The following TASOR2 variants were observed in gnomAD, a reference collection of about 807,000 sequenced individuals.
TASOR2 encodes the protein transcription activation suppressor family member 2.
A neutral mutation model predicts 199.5 loss-of-function variants in TASOR2; 84 were observed. That is an observed-to-expected ratio of 0.42 (90% CI 0.35 to 0.50). The LOEUF is 0.50. Ranked by LOEUF, TASOR2 falls within the 20% of genes least tolerant of loss-of-function variation. TASOR2 has a pLI of 0.02. For synonymous variants in TASOR2, 1,103 were observed against 1,046.6 expected (o/e 1.05, Z -1.04); for missense variants, 2,796 against 2,835.9 (o/e 0.99, Z 0.32).
rs1554784518 is a variant in TASOR2, at chr10:5,762,526, T to TTTTTAAA, written c.7175-6_7175-5insTTTTAAA. On this transcript the variant is annotated splice_region_variant and splice_polypyrimidine_tract_variant and intron_variant, in intron 19 of 20. Coordinates refer to ENST00000328090, the Ensembl canonical transcript of TASOR2. Reference sequence around the variant, plus strand: ...ACCAAAAGTTGTTTTTTTTTTTTTTTAACAGACAAGCCTACTATCCCCAGA... The same window carrying TTTTTAAA: ...ACCAAAAGTTGTTTTTTTTTTTTTTTTTTTAAAAACAGACAAGCCTACTATCCCCAGA... 5.7e-6 allele frequency: 4 copies of TTTTTAAA among 699,556 alleles called. No individual in the cohort carries two copies. The highest frequency in any genetic ancestry group is 3.2e-5 in the Admixed American group (1 of 31,618). 43.3% of individuals were successfully genotyped at this position (699,556 alleles called of 1,614,324 possible).
At position 5,720,924 on chromosome 10, in the gene TASOR2, G is replaced by GAT; in HGVS notation, c.104_105dup (p.Ala36Ter). 6.2e-7 allele frequency: 1 copy of GAT among 1,613,474 alleles called. No individual in the cohort carries two copies. Among genetic ancestry groups the GAT allele is most frequent in the Non-Finnish European group, 8.5e-7 (1 of 1,179,742 alleles). On this transcript the variant is annotated frameshift_variant, in exon 6 of 21. Coordinates refer to ENST00000328090, the Ensembl canonical transcript of TASOR2. LOFTEE classifies it high-confidence loss of function. This position sits in a 1 kb window ranked among gnomAD's most constrained non-coding sequence, Gnocchi z 5.3. ...AATTGTTCAAGACCGTATGCTATGT[G>GAT]ATATAGCTCTTTGGTCCACTTACGG...
chr10:5,736,215 TC>T (rs1835556806), intron 12 of TASOR2, among the ~76,000 whole-genome samples: 2 of 151,934 alleles, frequency 1.3e-5, no homozygotes, highest in Admixed American at 6.6e-5. Flanking sequence ...GGTCAGGAGT[TC>T]CAGACCAGCC....
At chr10:5,760,268 C>T (rs1839607066) in intron 18 of TASOR2, among the ~76,000 whole-genome samples, 1 of 152,130 alleles carries the variant, frequency 6.6e-6, no homozygotes, top group Non-Finnish European at 1.5e-5. Flanking sequence ...TATGGGACCA[C>T]CATTGTATAT....
At position 5,689,279 on chromosome 10, in the gene TASOR2, T is replaced by C. The variant is rs1218861719; in HGVS notation, c.-288+4104T>C. 2.0e-5 allele frequency among the ~76,000 whole-genome samples: 3 copies of C among 152,226 alleles called. No homozygotes were observed. The highest frequency in any genetic ancestry group is 7.2e-5 in the African/African-American group (3 of 41,458). ...TGGGTTCTTTTGTTGTTTGTTTTGA[T>C]CTTTAGCTTTTTGCTGCTTTGCTGT... is the stretch of plus-strand genomic sequence containing the variant. On this transcript the variant is annotated intron_variant, in intron 1 of 20. Coordinates refer to ENST00000328090, the Ensembl canonical transcript of TASOR2. The surrounding 1 kb of genome is among the most constrained non-coding windows in gnomAD (Gnocchi z 4.1).
intron 19 of TASOR2, chr10:5,761,745 A>G (rs1564378385): frequency 7.6e-6 from 2 of 263,382 alleles, no homozygotes; most frequent in East Asian, 7.2e-5. Context: ...TTTTAAATCA[A>G]TACTGGGGCT....
intron 14 of TASOR2, among the ~76,000 whole-genome samples, chr10:5,745,546 G>T (rs983792187): frequency 6.6e-6 from 1 of 152,142 alleles, no homozygotes; most frequent in South Asian, 2.1e-4. Context: ...TTGGGAGGCC[G>T]AGGTGGGTGG....
At position 5,699,415 on chromosome 10, in the gene TASOR2, T is replaced by C. The variant is rs1837536839; in HGVS notation, c.-287-13408T>C. 6.6e-6 allele frequency: 1 copy of C among 152,172 alleles called. No homozygotes were observed. Among genetic ancestry groups the C allele is most frequent in the Non-Finnish European group, 1.5e-5 (1 of 68,010 alleles). 9.4% of individuals were successfully genotyped at this position (152,172 alleles called of 1,614,324 possible). A position where few individuals can be genotyped will look rare whatever the true frequency, so the allele number is the denominator to read the frequency against. On this transcript the variant is annotated intron_variant, in intron 1 of 20. Coordinates refer to ENST00000328090, the Ensembl canonical transcript of TASOR2. This position sits in a 1 kb window ranked among gnomAD's most constrained non-coding sequence, Gnocchi z 4.1. Reference sequence around the variant, plus strand: ...TTGATTGTGGTGAAGGTTGCACAATTCTGTGGATATACTAAGCACAATTCT... The same window carrying C: ...TTGATTGTGGTGAAGGTTGCACAATCCTGTGGATATACTAAGCACAATTCT...
At chr10:5,717,541 ATCC>A in intron 2 of TASOR2, 115 bp from the exon 4 acceptor site, 2 of 405,266 alleles carry the variant, frequency 4.9e-6, no homozygotes, top group East Asian at 3.6e-5. Flanking sequence ...CCTTGTTGGA[ATCC>A]TCCTCTCCTG....
intron 19 of TASOR2, among the ~76,000 whole-genome samples, chr10:5,762,108 T>A (rs984058432): frequency 6.6e-6 from 1 of 152,096 alleles, no homozygotes; most frequent in Admixed American, 6.6e-5. Context: ...AGACCTCATC[T>A]CTACAGAAGT....
chr10:5,740,296 A>G lies in TASOR2; in HGVS notation c.2126A>G (p.Lys709Arg). ...CAGCCCGGCCTTTTGCTTCAGCAAAAGCCTCCTGACGACCCCGTGGTGAAG... is the reference window on the plus strand; with the variant it reads ...CAGCCCGGCCTTTTGCTTCAGCAAAGGCCTCCTGACGACCCCGTGGTGAAG... The change falls in exon 13 of 21, where the codon AAG becomes AGG. Residue 709 changes from lysine to arginine, a missense_variant. Physicochemically the swap from Lys to Arg is conservative, Grantham distance 26. This residue lies in a region of TASOR2 where 847 missense variants were observed against 887.4 expected (regional missense o/e 0.95). Transcript: ENST00000328090. The surrounding 1 kb of genome is among the most constrained non-coding windows in gnomAD (Gnocchi z 5.3). 2 of 1,614,212 alleles carry G rather than the reference A, an allele frequency of 1.2e-6. No individual in the cohort carries two copies. Among genetic ancestry groups the G allele is most frequent in the Non-Finnish European group, 1.7e-6 (2 of 1,180,038 alleles).
exon 12 of TASOR2, chr10:5,735,467 G>A (rs755944126): frequency 1.2e-6 from 2 of 1,614,120 alleles, no homozygotes; most frequent in Non-Finnish European, 1.7e-6. Flanking sequence ...AGCCACCTGT[G>A]AAGAAATCTC....
intron 14 of TASOR2, among the ~76,000 whole-genome samples, chr10:5,744,862 A>G (rs934639603): frequency 6.6e-5 from 10 of 152,184 alleles, no homozygotes; most frequent in Middle Eastern, 6.8e-3. Context: ...CTTCTGGCCT[A>G]TAGTGATCCG....
chr10:5,704,945 G>A (rs1838384805), intron 1 of TASOR2, among the ~76,000 whole-genome samples: 1 of 152,126 alleles, frequency 6.6e-6, no homozygotes, highest in South Asian at 2.1e-4. Context: ...AATTTCCTTT[G>A]TGGCCAAATT....
In TASOR2 at chr10:5,737,281, A is replaced by T. The variant is rs1040805489; in HGVS notation, c.1447+1735A>T. On this transcript the variant is annotated intron_variant, in intron 12 of 20. Coordinates refer to ENST00000328090, the Ensembl canonical transcript of TASOR2. The surrounding 1 kb of genome is among the most constrained non-coding windows in gnomAD (Gnocchi z 4.9). ...ACGCCCAGCCAGGTTTGTTTTTTTT[A>T]GTTTTTTTGTTTTTTTTTTCAACTT... Among the ~76,000 whole-genome samples, 1 of 149,506 alleles carries T rather than the reference A, an allele frequency of 6.7e-6. No individual in the cohort carries two copies. Among genetic ancestry groups the T allele is most frequent in the Non-Finnish European group, 1.5e-5 (1 of 67,252 alleles).
At chr10:5,726,769 A>G in intron 8 of TASOR2, 116 bp from the exon 10 acceptor site, 1 of 833,542 alleles carries the variant, frequency 1.2e-6, no homozygotes, top group African/African-American at 1.7e-5. Flanking sequence ...GATTCCCATA[A>G]CATTTGCAGA....
Position 5,727,143 on chromosome 10 carries a change from C to T in TASOR2, c.487+20C>T. 1 of 1,613,488 alleles carries T rather than the reference C, an allele frequency of 6.2e-7. No homozygotes were observed. The highest frequency in any genetic ancestry group is 1.1e-5 in the South Asian group (1 of 91,046). On this transcript the variant is annotated intron_variant, in intron 10 of 20. Transcript: ENST00000328090. ...CAACAGGTGAGGATACAATGGTTTCCAGCTCACTCTGTCTGTTGGATATAT... is the reference window on the plus strand; with the variant it reads ...CAACAGGTGAGGATACAATGGTTTCTAGCTCACTCTGTCTGTTGGATATAT...
In TASOR2 at chr10:5,748,577, C is replaced by G. The variant is rs777028310; in HGVS notation, c.5156C>G (p.Thr1719Ser). The change falls in exon 15 of 21, where the codon ACC (threonine) becomes AGC (serine). Residue 1719 changes from threonine (T) to serine (S), a missense_variant. Physicochemically the swap from Thr to Ser is moderately conservative, Grantham distance 58 (BLOSUM62 1). Coordinates refer to ENST00000328090, the Ensembl canonical transcript of TASOR2. This position sits in a 1 kb window ranked among gnomAD's most constrained non-coding sequence, Gnocchi z 5.1. ...GGCACTGCTGGCCCTCAGTCCAACA[C>G]CACATCTTCTCTAAAAGGTGAACGC... The G allele has an allele frequency of 3.7e-6, 6 of 1,613,636 alleles. No individual in the cohort carries two copies. In the South Asian group the frequency reaches 6.6e-5, roughly 18 times the overall value.
At chr10:5,753,462 A>G (rs1838359651) in intron 15 of TASOR2, among the ~76,000 whole-genome samples, 1 of 152,050 alleles carries the variant, frequency 6.6e-6, no homozygotes, top group South Asian at 2.1e-4. Context: ...TCCCGCATTC[A>G]CACCATTCTC....
Position 5,748,736 on chromosome 10 carries a change from T to C in TASOR2, c.5315T>C (p.Leu1772Ser), listed in dbSNP as rs758583615. 6.2e-7 allele frequency: 1 copy of C among 1,614,210 alleles called. No homozygotes were observed. Among genetic ancestry groups the C allele is most frequent in the African/African-American group, 1.3e-5 (1 of 75,062 alleles). ...AAGGAAAACCTCAGTAAAGAGCCTTTGGCCTCCTTTGTTTCAGAATCCTTT... is the reference window on the plus strand; with the variant it reads ...AAGGAAAACCTCAGTAAAGAGCCTTCGGCCTCCTTTGTTTCAGAATCCTTT... The change falls in exon 15 of 21, where the codon TTG becomes TCG. Residue 1772 changes from leucine to serine, a missense_variant. Coordinates refer to ENST00000328090, the Ensembl canonical transcript of TASOR2. The surrounding 1 kb of genome is among the most constrained non-coding windows in gnomAD (Gnocchi z 5.1).
Sources: allele counts gnomAD v4.1 joint callset (sites outside exome capture counted in the v4.1 genomes callset), GRCh38; gene constraint gnomAD v4.1.1; regional missense constraint gnomAD v4.1.1; non-coding constraint Gnocchi (gnomAD v3.1); transcripts MANE v1.5; gene names NCBI Gene and HGNC (gene_info 2026-07-23, HGNC 2026-07-21).